ADK: variants seen among roughly 807,000 people sequenced by gnomAD.
The protein encoded by ADK is N6,N6-dimethyladenosine kinase.
ADK carries 24 observed loss-of-function variants against 44.7 expected under a neutral mutation model. The observed-to-expected ratio is 0.54, with a 90% CI of 0.39 to 0.76. The LOEUF (loss-of-function observed/expected upper bound fraction) is 0.76. Ranked by LOEUF, ADK falls within the 30% of genes least tolerant of loss-of-function variation. ADK has a pLI of 0.00. For missense variants in ADK, 321 were observed against 425.1 expected, an observed-to-expected ratio of 0.76 and a Z score of 2.15; for synonymous variants, 128 against 142.6, an observed-to-expected ratio of 0.90 and a Z score of 0.73.
chr10:74,335,674 A>G (rs1841383947), intron 4 of ADK, among the ~76,000 whole-genome samples: 1 of 152,186 alleles, frequency 6.6e-6, no homozygotes, highest in African/African-American at 2.4e-5. Context: ...TGAGAGGTCT[A>G]GTGGTTTCAC....
intron 4 of ADK, among the ~76,000 whole-genome samples, chr10:74,387,415 A>C (rs1843182669): frequency 6.6e-6 from 1 of 152,254 alleles, no homozygotes; most frequent in African/African-American, 2.4e-5. Context: ...GTAGAAAATC[A>C]TTAGGAAATA....
chr10:74,563,865 C>T (rs564474411), intron 7 of ADK, among the ~76,000 whole-genome samples: 12 of 152,142 alleles, frequency 7.9e-5, no homozygotes, highest in African/African-American at 2.7e-4. Context: ...CTGGTGACTG[C>T]GTCTTTGGCT....
intron 1 of ADK, among the ~76,000 whole-genome samples, chr10:74,151,744 A>C (rs1841598152): frequency 1.3e-5 from 2 of 152,164 alleles, no homozygotes; most frequent in Non-Finnish European, 2.9e-5. Flanking sequence ...ACACTGGGGC[A>C]AAGTCAGAAT....
chr10:74,446,453 T>G (rs1845588184), intron 6 of ADK, among the ~76,000 whole-genome samples: 1 of 152,114 alleles, frequency 6.6e-6, no homozygotes, highest in African/African-American at 2.4e-5. Context: ...GGAAGTATAG[T>G]GAGAGACGAC....
At chr10:74,431,638 G>T (rs1251961060) in intron 6 of ADK, among the ~76,000 whole-genome samples, 1 of 152,106 alleles carries the variant, frequency 6.6e-6, no homozygotes, top group Non-Finnish European at 1.5e-5. Context: ...TTGCTCGGGA[G>T]GCTGAGGCAC....
intron 7 of ADK, among the ~76,000 whole-genome samples, chr10:74,563,109 G>A (rs1430477271): frequency 3.3e-5 from 5 of 151,916 alleles, no homozygotes; most frequent in Non-Finnish European, 5.9e-5. Context: ...GGAGTGCGGT[G>A]GCTATTCTCA....
At chr10:74,225,226 C>T (rs561546167) in intron 3 of ADK, among the ~76,000 whole-genome samples, 21 of 152,114 alleles carry the variant, frequency 1.4e-4, no homozygotes, top group Middle Eastern at 3.4e-3. Context: ...TACAGGTGCC[C>T]GCCACCATGC....
intron 1 of ADK, chr10:74,176,476 G>T: frequency 8.7e-6 from 10 of 1,145,336 alleles, no homozygotes; most frequent in Non-Finnish European, 1.1e-5. Context: ...TGCTAAACCG[G>T]TTGCCAGAGG....
intron 7 of ADK, among the ~76,000 whole-genome samples, chr10:74,573,793 C>T (rs959234552): frequency 7.9e-5 from 12 of 152,182 alleles, no homozygotes; most frequent in Admixed American, 3.9e-4. Context: ...ACTCCATGGG[C>T]GTAGGACCCT....
intron 3 of ADK, among the ~76,000 whole-genome samples, chr10:74,236,940 T>G (rs1217857056): frequency 6.6e-6 from 1 of 152,224 alleles, no homozygotes; most frequent in Non-Finnish European, 1.5e-5. Context: ...TCTGAGCCTT[T>G]AGCAAGTTAC....
Position 74,564,027 on chromosome 10 carries a change from A to G in ADK, c.727-25255A>G, listed in dbSNP as rs1042551617. On this transcript the variant is annotated intron_variant, in intron 7 of 10. Transcript: ENST00000539909. Reference sequence around the variant, plus strand: ...CATCTAGCATTAGGTATATCTCCCAATGCTATCCCTCCCCCCTCCCCCAAC... The same window carrying G: ...CATCTAGCATTAGGTATATCTCCCAGTGCTATCCCTCCCCCCTCCCCCAAC... 3.3e-5 allele frequency among the ~76,000 whole-genome samples: 5 copies of G among 151,430 alleles called. No homozygotes were observed. The South Asian group carries it at 6.3e-4, about 19-fold the overall frequency.
At chr10:74,251,109 A>C (rs1049688053) in intron 3 of ADK, among the ~76,000 whole-genome samples, 2 of 152,158 alleles carry the variant, frequency 1.3e-5, no homozygotes, top group African/African-American at 4.8e-5. Flanking sequence ...AAGATTTTGA[A>C]GTTTTGTGTT....
intron 9 of ADK, among the ~76,000 whole-genome samples, chr10:74,651,516 C>T (rs1196951465): frequency 6.6e-6 from 1 of 152,144 alleles, no homozygotes; most frequent in Middle Eastern, 3.2e-3. Context: ...GTTACCCTTC[C>T]CTGTCCTTTC....
chr10:74,543,147 G>A (rs1018245807), intron 7 of ADK, among the ~76,000 whole-genome samples: 2 of 151,060 alleles, frequency 1.3e-5, no homozygotes, highest in African/African-American at 2.4e-5. Context: ...TGATCCTCCC[G>A]CCTTGGCCTC....
intron 7 of ADK, among the ~76,000 whole-genome samples, chr10:74,532,424 G>A (rs1273124713): frequency 6.8e-6 from 1 of 146,572 alleles, no homozygotes; most frequent in Non-Finnish European, 1.5e-5. Context: ...GTTGCAGTGA[G>A]CCAAGATCAT....
intron 7 of ADK, among the ~76,000 whole-genome samples, chr10:74,580,535 A>G (rs1044412104): frequency 2.6e-5 from 4 of 151,364 alleles, no homozygotes; most frequent in Admixed American, 2.6e-4. Flanking sequence ...AGATCATGCC[A>G]TTGCACTTCA....
chr10:74,569,986 A>C (rs896453315), intron 7 of ADK, among the ~76,000 whole-genome samples: 24 of 152,078 alleles, frequency 1.6e-4, no homozygotes, highest in African/African-American at 5.6e-4. Context: ...TCAGCTTTCT[A>C]CTTATGGCTA....
At chr10:74,582,395 T>C (rs1394927829) in intron 7 of ADK, among the ~76,000 whole-genome samples, 4 of 152,214 alleles carry the variant, frequency 2.6e-5, no homozygotes, top group Non-Finnish European at 5.9e-5. Flanking sequence ...CTAGCCTCTT[T>C]CTTCTTGTTC....
At chr10:74,259,737 G>A (rs1845973728) in intron 3 of ADK, among the ~76,000 whole-genome samples, 2 of 152,056 alleles carry the variant, frequency 1.3e-5, no homozygotes, top group Admixed American at 6.5e-5. Context: ...GATTACAGGC[G>A]TGAGCCACCC....
Sources: allele counts gnomAD v4.1 joint callset (sites outside exome capture counted in the v4.1 genomes callset), GRCh38; gene constraint gnomAD v4.1.1; transcripts MANE v1.5; gene names NCBI Gene and HGNC (gene_info 2026-07-23, HGNC 2026-07-21).